Variants in SFXN5 observed in about 807,000 individuals in gnomAD.
The protein encoded by SFXN5 is sideroflexin-5.
Under a neutral mutation model 50.2 loss-of-function variants are expected in SFXN5, and 43 were observed. The observed-to-expected ratio is 0.86, with a 90% CI of 0.67 to 1.11. The LOEUF is 1.11. SFXN5 is among the 50% of genes least tolerant of loss of function. The pLI is 0.00. For synonymous variants in SFXN5, 203 were observed against 185.8 expected (o/e 1.09, Z -0.75); for missense variants, 463 against 454.1 (o/e 1.02, Z -0.18).
At chr2:73,016,979 G>A (rs986097662) in intron 6 of SFXN5, among the ~76,000 whole-genome samples, 5 of 152,164 alleles carry the variant, frequency 3.3e-5, no homozygotes, top group African/African-American at 1.2e-4. Context: ...ACTGGGAGCT[G>A]CACTGCCCAG....
At chr2:73,000,045 AT>A (rs1673712166) in intron 8 of SFXN5, among the ~76,000 whole-genome samples, 1 of 152,176 alleles carries the variant, frequency 6.6e-6, no homozygotes, top group Non-Finnish European at 1.5e-5. Context: ...GCTTCCAGAA[AT>A]TTTGGAGGAA....
chr2:73,071,595 G>A lies in SFXN5; in HGVS notation c.102+9C>T. On this transcript the variant is annotated intron_variant, in intron 1 of 13. Coordinates refer to ENST00000272433, the MANE Select transcript of SFXN5 (RefSeq NM_144579.3). ...CCCGCCGGCCCGCAGACCACAGCCCGGTCCTCACCTGCTGGAAGCGGGGTT... is the reference window on the plus strand; with the variant it reads ...CCCGCCGGCCCGCAGACCACAGCCCAGTCCTCACCTGCTGGAAGCGGGGTT... 1.9e-6 allele frequency: 3 copies of A among 1,612,574 alleles called. No homozygotes were observed. Among genetic ancestry groups the A allele is most frequent in the Non-Finnish European group, 2.5e-6 (3 of 1,179,254 alleles).
chr2:72,974,373 A>T (rs1481679878), intron 10 of SFXN5, among the ~76,000 whole-genome samples: 1 of 152,164 alleles, frequency 6.6e-6, no homozygotes, highest in African/African-American at 2.4e-5. Flanking sequence ...CTTTGGTTCA[A>T]ACACAAAACC....
At chr2:72,979,004 C>A (rs150900228) in intron 10 of SFXN5, among the ~76,000 whole-genome samples, 2 of 152,180 alleles carry the variant, frequency 1.3e-5, no homozygotes, top group African/African-American at 2.4e-5. Context: ...GATAGCCACA[C>A]AGTACGAATG....
At position 73,058,648 on chromosome 2, in the gene SFXN5, T is replaced by C. The variant is rs751607961; in HGVS notation, c.103-52A>G. 9 of 1,552,686 alleles carry C rather than the reference T, an allele frequency of 5.8e-6. No individual in the cohort carries two copies. In the African/African-American group the frequency reaches 8.2e-5, roughly 14 times the overall value. On this transcript the variant is annotated intron_variant, in intron 1 of 13. Transcript: ENST00000272433. The stretch of plus-strand genomic sequence containing the variant: ...TGAATGGATCAGCTGCTGCACACCC[T>C]TCTCCAGACACTGGAGAGCCCCACC...
chr2:73,001,469 A>T, intron 7 of SFXN5, 56 bp downstream of exon 7: 1 of 1,591,848 alleles, frequency 6.3e-7, no homozygotes, highest in Non-Finnish European at 8.6e-7. Flanking sequence ...GGAGTTCTTA[A>T]CCAGCACCTG....
chr2:73,039,496 T>C (rs1679347309), intron 3 of SFXN5, among the ~76,000 whole-genome samples: 1 of 152,180 alleles, frequency 6.6e-6, no homozygotes, highest in Non-Finnish European at 1.5e-5. Flanking sequence ...AGACTGAATA[T>C]GTATAGGCCC....
At chr2:73,037,949 A>G (rs1426359515) in intron 3 of SFXN5, among the ~76,000 whole-genome samples, 2 of 152,260 alleles carry the variant, frequency 1.3e-5, no homozygotes, top group Admixed American at 1.3e-4. Context: ...AGGCCCCAGA[A>G]AGGAAAATTT....
intron 7 of SFXN5, 101 bp from the exon 8 acceptor site, chr2:73,000,588 T>C (rs1442236873): frequency 3.5e-6 from 4 of 1,139,092 alleles, no homozygotes; most frequent in Non-Finnish European, 5.1e-6. Flanking sequence ...AGGCACAGCA[T>C]GCGGTCTCCA....
At chr2:73,061,978 A>G (rs1682841999) in intron 1 of SFXN5, among the ~76,000 whole-genome samples, 1 of 152,094 alleles carries the variant, frequency 6.6e-6, no homozygotes, top group South Asian at 2.1e-4. Flanking sequence ...TTAGCCAGGC[A>G]TGGTGGTATA....
At position 73,058,529 on chromosome 2, in the gene SFXN5, T is replaced by C; in HGVS notation, c.170A>G (p.Glu57Gly). ...ACTGAGGTGACAGCCATGACTTACC[T>C]CAGTGACAAAGAGTGTGCGAGGGTC... ...IIDPRTLFVT[E>G]RRLREAVQLL... is the part of the protein sequence containing the mutation. The change falls in exon 2 of 14, where the codon GAG (glutamate) becomes GGG (glycine). Residue 57 changes from glutamate to glycine, a missense_variant and splice_region_variant. Transcript: ENST00000272433. 6.2e-7 allele frequency: 1 copy of C among 1,613,930 alleles called. No homozygotes were observed. The highest frequency in any genetic ancestry group is 8.5e-7 in the Non-Finnish European group (1 of 1,179,926).
At position 72,992,854 on chromosome 2, in the gene SFXN5, C is replaced by T. The variant is rs1482897258; in HGVS notation, c.535-4506G>A. Among the ~76,000 whole-genome samples the T allele has an allele frequency of 4.6e-5, 7 of 152,194 alleles. No homozygotes were observed. The highest frequency in any genetic ancestry group is 1.0e-4 in the Non-Finnish European group (7 of 68,050). On this transcript the variant is annotated intron_variant, in intron 9 of 13. Coordinates refer to ENST00000272433, the MANE Select transcript of SFXN5 (RefSeq NM_144579.3). The surrounding 1 kb of genome is among the most constrained non-coding windows in gnomAD (Gnocchi z 4.5). ...GCCTTCGGTGACACTGGAGGAGCCA[C>T]ACGGCCCTGCGGGACTGCCTGGCTT...
intron 6 of SFXN5, among the ~76,000 whole-genome samples, chr2:73,016,749 C>T (rs940971702): frequency 6.6e-6 from 1 of 152,092 alleles, no homozygotes; most frequent in African/African-American, 2.4e-5. Context: ...AACAGATATA[C>T]TGAGCGAAAA....
intron 6 of SFXN5, chr2:73,019,986 A>C (rs763323684): frequency 1.8e-5 from 8 of 439,536 alleles, no homozygotes; most frequent in African/African-American, 1.2e-4. Flanking sequence ...GTGGGGACAG[A>C]AAACGTGCAG....
chr2:72,989,620 C>A (rs1407861927), intron 9 of SFXN5, among the ~76,000 whole-genome samples: 1 of 151,974 alleles, frequency 6.6e-6, no homozygotes. Context: ...GGAATAAATG[C>A]AGGAACCAAC....
intron 3 of SFXN5, among the ~76,000 whole-genome samples, chr2:73,027,795 G>A (rs867629749): frequency 1.1e-4 from 17 of 152,070 alleles, no homozygotes; most frequent in South Asian, 8.3e-4. Context: ...GAGTAGCTGG[G>A]ACTACAGGCG....
chr2:73,058,358 GATAC>G (rs539117169), intron 2 of SFXN5, 166 bp downstream of exon 2: 19 of 591,030 alleles, frequency 3.2e-5, no homozygotes, highest in Non-Finnish European at 5.2e-5. Context: ...CAGACACACA[GATAC>G]ATAAACAGAC....
At chr2:72,991,184 C>G (rs757233776) in intron 9 of SFXN5, among the ~76,000 whole-genome samples, 1 of 152,246 alleles carries the variant, frequency 6.6e-6, no homozygotes, top group Non-Finnish European at 1.5e-5. Context: ...AAGCCTCCCC[C>G]TCCCTGGTCG....
At chr2:72,986,547 T>C (rs370524656) in intron 10 of SFXN5, among the ~76,000 whole-genome samples, 1 of 152,244 alleles carries the variant, frequency 6.6e-6, no homozygotes, top group African/African-American at 2.4e-5. Flanking sequence ...CCTCATGCCC[T>C]GTGCTGGCCT....
Sources: allele counts gnomAD v4.1 joint callset (sites outside exome capture counted in the v4.1 genomes callset), GRCh38; gene constraint gnomAD v4.1.1; non-coding constraint Gnocchi (gnomAD v3.1); transcripts MANE v1.5; gene names NCBI Gene and HGNC (gene_info 2026-07-23, HGNC 2026-07-21).